The following B3GALT5 variants were observed in gnomAD, a reference collection of about 807,000 sequenced individuals.
The protein encoded by B3GALT5 is beta-1,3-galactosyltransferase 5.
For missense variants in B3GALT5, 328 were observed against 396.6 expected, an observed-to-expected ratio of 0.83 and a Z score of 1.47; for synonymous variants, 156 against 158.6, an observed-to-expected ratio of 0.98 and a Z score of 0.12.
chr21:39,624,725 G>T (rs895595983), intron 1 of B3GALT5, among the ~76,000 whole-genome samples: 7 of 151,756 alleles, frequency 4.6e-5, no homozygotes, highest in African/African-American at 1.7e-4. Flanking sequence ...AACTGAATTT[G>T]GATTTTTCAG....
intron 1 of B3GALT5, 30 bp downstream of exon 1, chr21:39,613,097 G>GGGGCGCC (rs1234605834): frequency 3.0e-4 from 45 of 148,900 alleles, no homozygotes; most frequent in African/African-American, 1.1e-3. Flanking sequence ...CGCGGGGCGC[G>GGGGCGCC]GGGAGCGCTG....
At position 39,661,403 on chromosome 21, in the gene B3GALT5, G is replaced by A. The variant is rs752802027; in HGVS notation, c.844G>A (p.Val282Met). Residue 282 changes from valine to methionine, a missense_variant, in exon 4 of 4, where the codon GTG becomes ATG. By Grantham distance (21) the Val-to-Met change is conservative. Transcript: ENST00000684187. The surrounding 1 kb of genome is among the most constrained non-coding windows in gnomAD (Gnocchi z 4.7). ...RFSVCLFRRI[V>M]ACHFIKPRTL... ...CTCCGTATGCCTCTTCAGGAGGATC[G>A]TGGCCTGCCACTTCATCAAGCCTCG... 5.8e-6 allele frequency: 9 copies of A among 1,563,532 alleles called. No individual in the cohort carries two copies. Among genetic ancestry groups the A allele is most frequent in the African/African-American group, 5.4e-5 (4 of 73,436 alleles).
At chr21:39,636,032 A>G (rs916507884) in intron 1 of B3GALT5, among the ~76,000 whole-genome samples, 2 of 152,206 alleles carry the variant, frequency 1.3e-5, no homozygotes, top group Non-Finnish European at 2.9e-5. Flanking sequence ...GGAACTGACA[A>G]GTTTCTGAAA....
rs964848138 is a variant in B3GALT5, at chr21:39,664,961, C to A, written c.*3469C>A. On this transcript the variant is annotated 3_prime_UTR_variant, in exon 4 of 4. Coordinates refer to ENST00000684187, the MANE Select transcript of B3GALT5 (RefSeq NM_001356336.2). ...GTTATACCCAGTCCTCCGAGGGGCC[C>A]ACCTTGTCTCATGGCTTTAAATATG... 11 of 152,156 alleles carry A rather than the reference C, an allele frequency of 7.2e-5. No individual in the cohort carries two copies. The highest frequency in any genetic ancestry group is 6.6e-4 in the Admixed American group (10 of 15,258). The allele number at this position is 152,156 out of a possible 1,614,324, so 9.4% of individuals were successfully genotyped here. A position where few individuals can be genotyped will look rare whatever the true frequency, so the allele number is the denominator to read the frequency against.
At chr21:39,629,294 C>T (rs1455210474) in intron 1 of B3GALT5, among the ~76,000 whole-genome samples, 5 of 152,178 alleles carry the variant, frequency 3.3e-5, no homozygotes, top group East Asian at 3.8e-4. Flanking sequence ...GGATTATAGG[C>T]GTGAGCCACC....
intron 1 of B3GALT5, among the ~76,000 whole-genome samples, chr21:39,639,920 TAAC>T (rs1780297776): frequency 1.3e-5 from 2 of 152,148 alleles, no homozygotes; most frequent in African/African-American, 4.8e-5. Flanking sequence ...AAGGGCTAAA[TAAC>T]AAGCTGTCAA....
intron 1 of B3GALT5, among the ~76,000 whole-genome samples, chr21:39,617,768 G>A (rs181007310): frequency 6.6e-6 from 1 of 152,244 alleles, no homozygotes; most frequent in East Asian, 1.9e-4. Context: ...AAGCTCATCA[G>A]CTATCGTTAG....
At chr21:39,617,100 C>G (rs954944816) in intron 1 of B3GALT5, among the ~76,000 whole-genome samples, 1 of 152,204 alleles carries the variant, frequency 6.6e-6, no homozygotes, top group African/African-American at 2.4e-5. Flanking sequence ...TTCTCCCCAT[C>G]TCCTTTCATC....
At chr21:39,654,955 AT>A (rs1259532112) in intron 2 of B3GALT5, among the ~76,000 whole-genome samples, 1 of 152,224 alleles carries the variant, frequency 6.6e-6, no homozygotes, top group African/African-American at 2.4e-5. Context: ...TTGCTCTTTT[AT>A]GATATTTGCT....
rs1488884879 is a variant in B3GALT5 at position 39,670,074 on chromosome 21, CTT to C, written c.*8583_*8584del. ...CCTGTCCTGCCCTGGCCAGCCCTCT[CTT>C]GAGGTTACTCAAGTGTCCAATGGCA... On this transcript the variant is annotated 3_prime_UTR_variant, in exon 4 of 4. Transcript: ENST00000684187. 1 of 152,302 alleles carries C rather than the reference CTT, an allele frequency of 6.6e-6. No homozygotes were observed. The highest frequency in any genetic ancestry group is 2.4e-5 in the African/African-American group (1 of 41,454). 9.4% of individuals were successfully genotyped at this position (152,302 alleles called of 1,614,324 possible). A position where few individuals can be genotyped will look rare whatever the true frequency, so the allele number is the denominator to read the frequency against.
intron 1 of B3GALT5, among the ~76,000 whole-genome samples, chr21:39,619,934 A>G (rs2079125650): frequency 6.6e-6 from 1 of 151,988 alleles, no homozygotes; most frequent in African/African-American, 2.4e-5. Context: ...CAGCCTCCCA[A>G]GTAGCTGGGA....
chr21:39,631,978 G>A (rs919286760), intron 1 of B3GALT5, among the ~76,000 whole-genome samples: 2 of 152,282 alleles, frequency 1.3e-5, no homozygotes, highest in Non-Finnish European at 2.9e-5. Flanking sequence ...GGGTGTGTTC[G>A]CAGGACTTTA....
intron 1 of B3GALT5, among the ~76,000 whole-genome samples, chr21:39,625,076 C>T (rs550374599): frequency 6.6e-6 from 1 of 152,346 alleles, no homozygotes; most frequent in South Asian, 2.1e-4. Context: ...ATATTACACA[C>T]ACACTTTTTC....
chr21:39,651,904 A>G (rs1217337065), intron 2 of B3GALT5, among the ~76,000 whole-genome samples: 1 of 152,188 alleles, frequency 6.6e-6, no homozygotes, highest in African/African-American at 2.4e-5. Flanking sequence ...TTCCCCTGTG[A>G]TTCTGTATGT....
intron 1 of B3GALT5, among the ~76,000 whole-genome samples, chr21:39,621,548 G>C (rs538715512): frequency 6.6e-6 from 1 of 151,784 alleles, no homozygotes; most frequent in African/African-American, 2.4e-5. Context: ...TTGCATCGTA[G>C]AGTGGAGGCA....
At chr21:39,622,987 A>C (rs1486546563) in intron 1 of B3GALT5, among the ~76,000 whole-genome samples, 3 of 152,120 alleles carry the variant, frequency 2.0e-5, no homozygotes, top group Non-Finnish European at 2.9e-5. Context: ...ACCTCAGCAC[A>C]ATTTAACTAA....
At chr21:39,613,975 CT>C (rs2079094268) in intron 1 of B3GALT5, among the ~76,000 whole-genome samples, 1 of 152,108 alleles carries the variant, frequency 6.6e-6, no homozygotes, top group Non-Finnish European at 1.5e-5. Context: ...CTATTTTTGT[CT>C]TTTTCAAAGA....
chr21:39,635,093 A>G (rs1303595850), intron 1 of B3GALT5, among the ~76,000 whole-genome samples: 1 of 152,248 alleles, frequency 6.6e-6, no homozygotes, highest in Non-Finnish European at 1.5e-5. Context: ...ACATGGTAGC[A>G]TAAGATAAAT....
intron 1 of B3GALT5, among the ~76,000 whole-genome samples, chr21:39,636,570 C>G (rs83969): frequency 0.079 from 12,023 of 152,178 alleles, 530 homozygotes; most frequent in South Asian, 0.14. Flanking sequence ...AGGAGACAGG[C>G]TCCTGTGGCT....
Sources: allele counts gnomAD v4.1 joint callset (sites outside exome capture counted in the v4.1 genomes callset), GRCh38; gene constraint gnomAD v4.1.1; non-coding constraint Gnocchi (gnomAD v3.1); transcripts MANE v1.5; gene names NCBI Gene and HGNC (gene_info 2026-07-23, HGNC 2026-07-21).